Variants in CELF2 observed in about 807,000 individuals in gnomAD.
The protein encoded by CELF2 is CUGBP Elav-like family member 2, also known as CUG triplet repeat RNA-binding protein 2.
Under a neutral mutation model 62.6 loss-of-function variants are expected in CELF2, and 8 were observed. The observed-to-expected ratio is 0.13, with a 90% confidence interval of 0.07 to 0.23. The LOEUF (loss-of-function observed/expected upper bound fraction) is 0.23. CELF2 is among the 10% of genes least tolerant of loss of function. CELF2 has a pLI of 1.00. For synonymous variants in CELF2, 258 were observed against 250.0 expected, an observed-to-expected ratio of 1.03 and a Z score of -0.30; for missense variants, 333 against 671.0, an observed-to-expected ratio of 0.50 and a Z score of 5.56.
At chr10:10,852,906 T>C (rs1294236287) in intron 1 of CELF2, among the ~76,000 whole-genome samples, 1 of 152,226 alleles carries the variant, frequency 6.6e-6, no homozygotes, top group Non-Finnish European at 1.5e-5. Flanking sequence ...TGTGTGCCTT[T>C]TAGAACACAG....
intron 1 of CELF2, among the ~76,000 whole-genome samples, chr10:11,090,241 A>T (rs1216316420): frequency 2.6e-5 from 4 of 152,272 alleles, no homozygotes; most frequent in African/African-American, 9.6e-5. Context: ...ATGAAGGGAA[A>T]CAAGGCGGTA....
chr10:10,674,757 C>T, the CELF2 span, among the ~76,000 whole-genome samples: 1 of 151,840 alleles, frequency 6.6e-6, no homozygotes, highest in Admixed American at 6.6e-5. Flanking sequence ...AAATTCAAGC[C>T]CTCTTTCAAA....
intron 1 of CELF2, among the ~76,000 whole-genome samples, chr10:11,067,468 A>C (rs763529707): frequency 6.6e-6 from 1 of 152,244 alleles, no homozygotes; most frequent in African/African-American, 2.4e-5. Flanking sequence ...CCTGTTGTCC[A>C]AGGAAAATGA....
chr10:11,265,306 A>G (rs1036417637), intron 5 of CELF2, among the ~76,000 whole-genome samples: 10 of 152,364 alleles, frequency 6.6e-5, no homozygotes, highest in African/African-American at 2.4e-4. Context: ...TGAAATGACA[A>G]TAGACGTCAG....
At chr10:11,162,758 C>A (rs1422871615) in intron 1 of CELF2, among the ~76,000 whole-genome samples, 1 of 152,162 alleles carries the variant, frequency 6.6e-6, no homozygotes, top group Non-Finnish European at 1.5e-5. Context: ...GATGGTCACT[C>A]ATTTCAGATG....
rs1479658100 is a variant in CELF2 at position 11,319,847 on chromosome 10, G to A, written c.1097-1342G>A. On this transcript the variant is annotated intron_variant, in intron 10 of 12. Transcript: ENST00000633077. This position sits in a 1 kb window ranked among gnomAD's most constrained non-coding sequence, Gnocchi z 4.4. ...TTGGCCAAATAGAAGCACAAGTGGAGTAAACAGAACATTCCCCACCTGCTC... is the reference window on the plus strand; with the variant it reads ...TTGGCCAAATAGAAGCACAAGTGGAATAAACAGAACATTCCCCACCTGCTC... 2.1e-6 allele frequency: 1 copy of A among 471,006 alleles called. No homozygotes were observed. Among genetic ancestry groups the A allele is most frequent in the East Asian group, 6.9e-5 (1 of 14,408 alleles). 29.2% of individuals were successfully genotyped at this position (471,006 alleles called of 1,614,324 possible). A position where few individuals can be genotyped will look rare whatever the true frequency, so the allele number is the denominator to read the frequency against.
At chr10:11,289,243 C>G (rs2139675651) in intron 9 of CELF2, among the ~76,000 whole-genome samples, 1 of 152,166 alleles carries the variant, frequency 6.6e-6, no homozygotes. Context: ...GTTTTCCAGA[C>G]CTCAATAGAT....
rs926023767 is a variant in CELF2 at position 11,224,225 on chromosome 10, A to C, written c.354+6718A>C. 2.6e-5 allele frequency among the ~76,000 whole-genome samples: 4 copies of C among 152,212 alleles called. No individual in the cohort carries two copies. The highest frequency in any genetic ancestry group is 9.7e-5 in the African/African-American group (4 of 41,448). ...TTGCAAACAACGTAGTCTCAGCTAT[A>C]TCCCTAATTAATAGGACTGTTGCCA... On this transcript the variant is annotated intron_variant, in intron 3 of 12. Transcript: ENST00000633077. The surrounding 1 kb of genome is among the most constrained non-coding windows in gnomAD (Gnocchi z 4.5).
At chr10:10,614,297 C>T in the CELF2 span, among the ~76,000 whole-genome samples, 20 of 151,988 alleles carry the variant, frequency 1.3e-4, no homozygotes, top group Non-Finnish European at 2.9e-4. Context: ...CTAGCATTCC[C>T]GCTCTACCAG....
the CELF2 span, among the ~76,000 whole-genome samples, chr10:10,685,520 C>A: frequency 6.6e-6 from 1 of 152,186 alleles, no homozygotes; most frequent in African/African-American, 2.4e-5. Context: ...AGATTCACTT[C>A]TAATACTATC....
Position 11,306,537 on chromosome 10 carries a change from T to G in CELF2, c.977-7602T>G. Among the ~76,000 whole-genome samples, 1 of 152,140 alleles carries G rather than the reference T, an allele frequency of 6.6e-6. No homozygotes were observed. The highest frequency in any genetic ancestry group is 1.5e-5 in the Non-Finnish European group (1 of 68,020). On this transcript the variant is annotated intron_variant, in intron 9 of 12. Coordinates refer to ENST00000633077, the MANE Select transcript of CELF2 (RefSeq NM_001326342.2). This position sits in a 1 kb window ranked among gnomAD's most constrained non-coding sequence, Gnocchi z 4.4. ...GTTGGCTGTGTGACAAATTGGAGTT[T>G]TTCTTATGCTTTAAATTATTTGTTA...
At chr10:11,294,833 T>C (rs1458919890) in intron 9 of CELF2, among the ~76,000 whole-genome samples, 4 of 152,178 alleles carry the variant, frequency 2.6e-5, no homozygotes, top group Admixed American at 6.5e-5. Context: ...ATCACTTGAA[T>C]CCAGGCGGCA....
intron 1 of CELF2, among the ~76,000 whole-genome samples, chr10:10,875,211 C>T (rs1483378535): frequency 3.9e-5 from 6 of 152,138 alleles, no homozygotes; most frequent in African/African-American, 1.4e-4. Context: ...TTTCAATTCC[C>T]AGCAGAAGTA....
chr10:10,573,190 A>G, the CELF2 span, among the ~76,000 whole-genome samples: 1 of 152,092 alleles, frequency 6.6e-6, no homozygotes, highest in Non-Finnish European at 1.5e-5. Context: ...CCACTTTCTA[A>G]TGGGGTTGTT....
At chr10:10,943,178 C>T (rs2047238166) in intron 2 of CELF2, among the ~76,000 whole-genome samples, 1 of 152,204 alleles carries the variant, frequency 6.6e-6, no homozygotes, top group African/African-American at 2.4e-5. Flanking sequence ...TATCTCCCAT[C>T]TCTCCAACTG....
chr10:11,028,103 C>T (rs1004320507), intron 1 of CELF2, among the ~76,000 whole-genome samples: 2 of 152,228 alleles, frequency 1.3e-5, no homozygotes, highest in African/African-American at 2.4e-5. Context: ...AGAAAACGCG[C>T]AGTCCCTAGG....
intron 3 of CELF2, among the ~76,000 whole-genome samples, chr10:11,241,799 A>G (rs1223553992): frequency 6.6e-6 from 1 of 152,142 alleles, no homozygotes; most frequent in Non-Finnish European, 1.5e-5. Context: ...TATGTAATAG[A>G]AGGTCTCGTG....
chr10:11,227,411 A>T lies in CELF2; in HGVS notation c.354+9904A>T, dbSNP rs1264709849. Among the ~76,000 whole-genome samples, 1 of 152,178 alleles carries T rather than the reference A, an allele frequency of 6.6e-6. No individual in the cohort carries two copies. Among genetic ancestry groups the T allele is most frequent in the Non-Finnish European group, 1.5e-5 (1 of 68,040 alleles). ...AGCAGGATGAACACGGCCCCATGAG[A>T]CAGCGCTGCTGCTCTCCGCATCACA... is the stretch of plus-strand genomic sequence containing the variant. On this transcript the variant is annotated intron_variant, in intron 3 of 12. Transcript: ENST00000633077. This position sits in a 1 kb window ranked among gnomAD's most constrained non-coding sequence, Gnocchi z 4.8.
intron 2 of CELF2, among the ~76,000 whole-genome samples, chr10:10,961,806 A>G (rs998679436): frequency 6.6e-6 from 1 of 152,130 alleles, no homozygotes; most frequent in Non-Finnish European, 1.5e-5. Flanking sequence ...CACATTATTT[A>G]ATTTTGGCTT....
Sources: gnomAD v4.1 joint callset for allele counts (sites outside exome capture counted in the v4.1 genomes callset) on GRCh38, gnomAD v4.1.1 for gene constraint, Gnocchi (gnomAD v3.1) non-coding constraint, MANE v1.5 for transcripts, NCBI Gene and HGNC (gene_info 2026-07-23, HGNC 2026-07-21) for gene names.